RMDN2: variants seen among roughly 807,000 people sequenced by gnomAD.
The protein encoded by RMDN2 is regulator of microtubule dynamics 2.
RMDN2 carries 61 observed loss-of-function variants against 52.8 expected under a neutral mutation model. That is an observed-to-expected ratio of 1.16 (90% confidence interval 0.94 to 1.43). The LOEUF (loss-of-function observed/expected upper bound fraction) is 1.43, where lower values mean the gene tolerates loss of function less well. Among genes scored for constraint, RMDN2 ranks in the 40% most tolerant of loss-of-function variants. RMDN2 has a pLI of 0.00. For synonymous variants in RMDN2, 180 were observed against 153.1 expected (o/e 1.18, Z -1.30); for missense variants, 592 against 475.3 (o/e 1.25, Z -2.28).
chr2:37,951,465 C>G, intron 2 of RMDN2: 1 of 1,611,850 alleles, frequency 6.2e-7, no homozygotes, highest in Non-Finnish European at 8.5e-7. Flanking sequence ...TGTTGGATTT[C>G]AAAAAAGAAA....
intron 10 of RMDN2, chr2:38,030,712 A>C (rs937263465): frequency 6.6e-6 from 1 of 152,210 alleles, no homozygotes; most frequent in Non-Finnish European, 1.5e-5. Context: ...AAATGATATC[A>C]CCATCATTTG....
chr2:37,987,167 C>T (rs1443666233), intron 5 of RMDN2, among the ~76,000 whole-genome samples: 2 of 152,016 alleles, frequency 1.3e-5, no homozygotes, highest in Admixed American at 6.5e-5. Flanking sequence ...TTCCTCTATA[C>T]CAGCAATGAA....
chr2:37,934,723 A>G (rs1470403304), intron 2 of RMDN2, among the ~76,000 whole-genome samples: 1 of 152,012 alleles, frequency 6.6e-6, no homozygotes, highest in East Asian at 1.9e-4. Flanking sequence ...GACACGGTAA[A>G]AAATATACTC....
chr2:37,946,118 GT>G (rs1668198772), intron 2 of RMDN2, among the ~76,000 whole-genome samples: 1 of 152,094 alleles, frequency 6.6e-6, no homozygotes, highest in Admixed American at 6.6e-5. Context: ...AAATCAAATC[GT>G]ATCTTACCAT....
rs546534942 is a variant in RMDN2, at chr2:38,014,121, A to T, written c.1180-3065A>T. Among the ~76,000 whole-genome samples the T allele has an allele frequency of 1.1e-4, 16 of 152,082 alleles. 1 individual carries two copies. In the South Asian group the frequency reaches 3.3e-3, roughly 32 times the overall value. ...CAGCTACTAGGGAGGCCGAGGCAGG[A>T]GAATCTCTTGAACCTGGGAGGCAGA... On this transcript the variant is annotated intron_variant, in intron 10 of 10. Coordinates refer to ENST00000354545, the MANE Select transcript of RMDN2 (RefSeq NM_001170791.3).
intron 2 of RMDN2, among the ~76,000 whole-genome samples, chr2:37,947,149 A>C (rs566989741): frequency 6.6e-6 from 1 of 152,274 alleles, no homozygotes; most frequent in South Asian, 2.1e-4. Context: ...ACTATCACCC[A>C]AATAGTGTAC....
intron 1 of RMDN2, chr2:37,929,022 T>C (rs1666511615): frequency 3.6e-6 from 1 of 275,460 alleles, no homozygotes; most frequent in Non-Finnish European, 6.8e-6. Context: ...TGTTTTTTAG[T>C]GGTTATTCTA....
chr2:37,951,091 A>C (rs572928722), intron 2 of RMDN2: 1 of 790,432 alleles, frequency 1.3e-6, no homozygotes, highest in East Asian at 2.5e-5. Context: ...TATTCTTCTT[A>C]TTCCCTGCTG....
chr2:38,063,692 A>C (rs1284318929), intron 10 of RMDN2, among the ~76,000 whole-genome samples: 2 of 152,178 alleles, frequency 1.3e-5, no homozygotes, highest in East Asian at 1.9e-4. Context: ...CAATGAACTC[A>C]AACAAATTTA....
At chr2:38,031,687 C>T (rs1680219243) in intron 10 of RMDN2, among the ~76,000 whole-genome samples, 1 of 152,170 alleles carries the variant, frequency 6.6e-6, no homozygotes, top group Admixed American at 6.5e-5. Flanking sequence ...CTATTATCAA[C>T]ACCTGGCTTC....
intron 2 of RMDN2, among the ~76,000 whole-genome samples, chr2:37,968,000 C>T (rs1417506722): frequency 6.6e-6 from 1 of 152,156 alleles, no homozygotes; most frequent in Non-Finnish European, 1.5e-5. Flanking sequence ...GTATTTTTAT[C>T]TTTTAATTCC....
intron 1 of RMDN2, 146 bp downstream of exon 1, chr2:37,925,571 C>A (rs919455883): frequency 1.3e-5 from 2 of 152,284 alleles, no homozygotes; most frequent in Non-Finnish European, 2.9e-5. Flanking sequence ...GCCTGCTAGC[C>A]AGCGGTGCTC....
At chr2:38,037,749 C>G (rs1468272891) in intron 10 of RMDN2, among the ~76,000 whole-genome samples, 2 of 152,212 alleles carry the variant, frequency 1.3e-5, no homozygotes, top group Non-Finnish European at 2.9e-5. Flanking sequence ...GGAAGGAGAC[C>G]TACAAACTGC....
intron 4 of RMDN2, among the ~76,000 whole-genome samples, chr2:37,979,073 G>C (rs1672961220): frequency 6.6e-6 from 1 of 152,132 alleles, no homozygotes; most frequent in Non-Finnish European, 1.5e-5. Context: ...CAAAAGAGAA[G>C]AGTTTATAGT....
At chr2:37,973,931 CAG>C (rs1396488960) in intron 2 of RMDN2, 107 bp from the exon 3 acceptor site, 3 of 836,390 alleles carry the variant, frequency 3.6e-6, no homozygotes, top group Non-Finnish European at 3.8e-6. Context: ...CGTGCCACTG[CAG>C]AGTTTCAAGC....
At chr2:37,969,962 T>G (rs1027549935) in intron 2 of RMDN2, among the ~76,000 whole-genome samples, 45 of 152,148 alleles carry the variant, frequency 3.0e-4, no homozygotes, top group African/African-American at 1.1e-3. Flanking sequence ...CAACAGTTTC[T>G]TACTCTGTCT....
At chr2:37,937,966 C>T (rs530207022) in intron 2 of RMDN2, among the ~76,000 whole-genome samples, 8 of 152,072 alleles carry the variant, frequency 5.3e-5, no homozygotes, top group African/African-American at 1.2e-4. Context: ...TTGTCTTGTG[C>T]CGGTTTTTAA....
chr2:38,012,508 C>T (rs1678144491), intron 10 of RMDN2: 2 of 427,940 alleles, frequency 4.7e-6, no homozygotes, highest in African/African-American at 2.1e-5. Context: ...AAAGAGGACT[C>T]CTAATGAATG....
chr2:38,000,632 A>T (rs1373758853), intron 8 of RMDN2, among the ~76,000 whole-genome samples: 3 of 152,208 alleles, frequency 2.0e-5, no homozygotes, highest in African/African-American at 7.2e-5. Context: ...GCTTTTACTC[A>T]GCATACTGTT....
Sources: gnomAD v4.1 joint callset for allele counts (sites outside exome capture counted in the v4.1 genomes callset) on GRCh38, gnomAD v4.1.1 for gene constraint, MANE v1.5 for transcripts, NCBI Gene and HGNC (gene_info 2026-07-23, HGNC 2026-07-21) for gene names.